The following PCDHGB4 variants were observed in gnomAD, a reference collection of about 807,000 sequenced individuals.
PCDHGB4 encodes protocadherin gamma-B4.
In PCDHGB4, 38 loss-of-function variants were observed where a neutral mutation model predicts 60.5. The ratio of observed to expected loss-of-function variants is 0.63; its 90% CI spans 0.48 to 0.82. The LOEUF is 0.82. PCDHGB4 is among the 40% of genes least tolerant of loss of function. PCDHGB4 has a pLI of 0.00. For synonymous variants in PCDHGB4, 456 were observed against 509.7 expected (o/e 0.89, Z 1.42); for missense variants, 1,109 against 1,209.6 (o/e 0.92, Z 1.23).
chr5:141,415,502 A>AGCCC, intron 1 of PCDHGB4: 1 of 1,614,204 alleles, frequency 6.2e-7, no homozygotes, highest in South Asian at 1.1e-5. Flanking sequence ...ATCTTCCCCC[A>AGCCC]GCCCAATTAT....
chr5:141,441,280 G>A (rs2098237221), intron 1 of PCDHGB4: 1 of 152,090 alleles, frequency 6.6e-6, no homozygotes, highest in East Asian at 1.9e-4. Flanking sequence ...GGGAGAAAAC[G>A]AGGTCACATG....
intron 1 of PCDHGB4, chr5:141,399,855 C>A (rs773247537): frequency 2.5e-6 from 4 of 1,612,892 alleles, no homozygotes; most frequent in Non-Finnish European, 2.5e-6. Context: ...TGGTGCCGCG[C>A]GCTGCAGAGC....
At position 141,486,609 on chromosome 5, in the gene PCDHGB4, C is replaced by T; in HGVS notation, c.2398-8198C>T. The T allele has an allele frequency of 6.2e-7, 1 of 1,613,568 alleles. No homozygotes were observed. ...GGGGACCTGCTTTGCTCCCTTGCAG[C>T]CTCTGACCCAGACTCTGGCTTGAAT... On this transcript the variant is annotated intron_variant, in intron 1 of 3. Transcript: ENST00000519479. The surrounding 1 kb of genome is among the most constrained non-coding windows in gnomAD (Gnocchi z 5.0).
intron 3 of PCDHGB4, among the ~76,000 whole-genome samples, chr5:141,510,048 G>GTGAT (rs1392197406): frequency 1.3e-5 from 2 of 152,192 alleles, no homozygotes; most frequent in Non-Finnish European, 2.9e-5. Context: ...GAGGTTAAAA[G>GTGAT]TGATTGTGCA....
chr5:141,417,963 A>C (rs1260025037), intron 1 of PCDHGB4: 1 of 1,613,258 alleles, frequency 6.2e-7, no homozygotes, highest in Non-Finnish European at 8.5e-7. Flanking sequence ...CCGATCCGCT[A>C]CTCGATTCCG....
chr5:141,389,325 C>T lies in PCDHGB4; in HGVS notation c.1441C>T (p.Pro481Ser), dbSNP rs368804822. 6 of 1,613,886 alleles carry T rather than the reference C, an allele frequency of 3.7e-6. No individual in the cohort carries two copies. The highest frequency in any genetic ancestry group is 3.3e-5 in the Admixed American group (2 of 60,018). Residue 481 changes from proline to serine, a missense_variant, in exon 1 of 4, where the codon CCC becomes TCC. By Grantham distance (74) the Pro-to-Ser change is moderately conservative. This residue lies in a region of PCDHGB4 where 1,068 missense variants were observed against 1,089.9 expected (regional missense o/e 0.98). Transcript: ENST00000519479. ...CAGGGCTTCTGATCCGGACTTGGGG[C>T]CCAACGGCCAAGTCTCTTACTGCAT... ...QVRASDPDLG[P>S]NGQVSYCIMA... is the part of the protein sequence containing the mutation.
rs373591066 is a variant in PCDHGB4, at chr5:141,404,487, G to T, written c.2397+14206G>T. 8 of 1,613,840 alleles carry T rather than the reference G, an allele frequency of 5.0e-6. No homozygotes were observed. In the East Asian group the frequency reaches 1.8e-4, roughly 36 times the overall value. The stretch of plus-strand genomic sequence containing the variant: ...TATGTCTCTATTAACTCAGACACTG[G>T]TGTGCTGTATGCTCTGTGCTCCTTT... On this transcript the variant is annotated intron_variant, in intron 1 of 3. Transcript: ENST00000519479.
At chr5:141,424,726 T>C (rs1041673348) in intron 1 of PCDHGB4, 7 of 152,218 alleles carry the variant, frequency 4.6e-5, no homozygotes, top group African/African-American at 4.8e-5. Context: ...TTGGGAGTCA[T>C]AGATTCCTTC....
intron 1 of PCDHGB4, among the ~76,000 whole-genome samples, chr5:141,463,099 A>G (rs1445730117): frequency 1.4e-4 from 21 of 152,204 alleles, no homozygotes; most frequent in Admixed American, 1.4e-3. Context: ...CTATGTGACC[A>G]TCAAGAATTC....
At position 141,490,960 on chromosome 5, in the gene PCDHGB4, T is replaced by G. The variant is rs1384140919; in HGVS notation, c.2398-3847T>G. 1.9e-6 allele frequency: 3 copies of G among 1,613,794 alleles called. No individual in the cohort carries two copies. In the Admixed American group the frequency reaches 5.0e-5, roughly 27 times the overall value. On this transcript the variant is annotated intron_variant, in intron 1 of 3. Transcript: ENST00000519479. The surrounding 1 kb of genome is among the most constrained non-coding windows in gnomAD (Gnocchi z 5.4). ...GCACCCACGGCCAGACTGGGAACAC[T>G]CAGCCCCCCAGCGTCTCCCTCGCTC...
intron 1 of PCDHGB4, chr5:141,420,307 A>G (rs2096487660): frequency 1.5e-5 from 22 of 1,459,622 alleles, no homozygotes; most frequent in Non-Finnish European, 1.8e-5. Flanking sequence ...AATCCTTTTT[A>G]TATTACAATA....
intron 1 of PCDHGB4, among the ~76,000 whole-genome samples, chr5:141,401,910 T>A (rs562648950): frequency 2.1e-4 from 32 of 152,336 alleles, no homozygotes; most frequent in African/African-American, 5.3e-4. Flanking sequence ...AATTATTATA[T>A]AAGTTTAAGT....
chr5:141,410,440 G>A, intron 1 of PCDHGB4: 1 of 1,614,036 alleles, frequency 6.2e-7, no homozygotes, highest in Non-Finnish European at 8.5e-7. Context: ...ACAGTGAGGG[G>A]ACTTTGCCTT....
At chr5:141,428,754 T>C (rs932377392) in intron 1 of PCDHGB4, 7 of 154,708 alleles carry the variant, frequency 4.5e-5, no homozygotes, top group African/African-American at 1.4e-4. Context: ...TTGCTTCAGG[T>C]TTGTTTGCCC....
chr5:141,422,472 G>T, intron 1 of PCDHGB4: 2 of 1,613,680 alleles, frequency 1.2e-6, no homozygotes, highest in Non-Finnish European at 1.7e-6. Flanking sequence ...ACAGGGAGTT[G>T]GTCCAGAGCT....
chr5:141,438,764 C>T (rs963627140), intron 1 of PCDHGB4, among the ~76,000 whole-genome samples: 38 of 148,736 alleles, frequency 2.6e-4, no homozygotes, highest in African/African-American at 9.4e-4. Context: ...TGGGTTCAAG[C>T]GATTCTCCTG....
chr5:141,501,331 A>ACC (rs906542724), intron 2 of PCDHGB4, among the ~76,000 whole-genome samples: 1 of 138,846 alleles, frequency 7.2e-6, no homozygotes, highest in Non-Finnish European at 1.6e-5. Flanking sequence ...ACACACACAC[A>ACC]CACCCCAAAC....
chr5:141,392,882 G>A (rs1394691115), intron 1 of PCDHGB4: 2 of 1,613,502 alleles, frequency 1.2e-6, no homozygotes, highest in Non-Finnish European at 1.7e-6. Flanking sequence ...TGGGAACGCT[G>A]TGGGAAATCG....
chr5:141,408,201 C>T (rs1036342508), intron 1 of PCDHGB4: 4 of 1,548,914 alleles, frequency 2.6e-6, no homozygotes, highest in South Asian at 2.4e-5. Flanking sequence ...CCCGAGCGAA[C>T]GATGGGAGGG....
Sources: gnomAD v4.1 joint callset for allele counts (sites outside exome capture counted in the v4.1 genomes callset) on GRCh38, gnomAD v4.1.1 for gene constraint, gnomAD v4.1.1 regional missense constraint, Gnocchi (gnomAD v3.1) non-coding constraint, MANE v1.5 for transcripts, NCBI Gene and HGNC (gene_info 2026-07-23, HGNC 2026-07-21) for gene names.